LRRC4C: variants seen among roughly 807,000 people sequenced by gnomAD.
LRRC4C encodes the protein leucine rich repeat containing 4C.
In LRRC4C, 5 loss-of-function variants were observed where a neutral mutation model predicts 33.6. The observed-to-expected ratio is 0.15, with a 90% CI of 0.08 to 0.31. The LOEUF is 0.31. LRRC4C is among the 10% of genes least tolerant of loss of function. LRRC4C has a pLI of 1.00. For synonymous variants in LRRC4C, 329 were observed against 302.0 expected, an observed-to-expected ratio of 1.09 and a Z score of -0.93; for missense variants, 560 against 796.7, an observed-to-expected ratio of 0.70 and a Z score of 3.58.
rs1043180826 is a variant in LRRC4C at position 40,898,619 on chromosome 11, T to C, written c.-407+35016A>G. 2.0e-5 allele frequency among the ~76,000 whole-genome samples: 3 copies of C among 152,026 alleles called. No individual in the cohort carries two copies. The South Asian group carries it at 6.2e-4, about 32-fold the overall frequency. On this transcript the variant is annotated intron_variant, in intron 2 of 6. Transcript: ENST00000528697. The stretch of plus-strand genomic sequence containing the variant: ...TTGAATCCAAACTAGAAACTATAGA[T>C]ACATCCTGAGGTCTGGCTTATAAAT...
intron 3 of LRRC4C, among the ~76,000 whole-genome samples, chr11:40,635,628 A>ATTTTTTTTTTTTTTTT (rs71060975): frequency 2.2e-5 from 2 of 92,198 alleles, no homozygotes; most frequent in African/African-American, 8.1e-5. Context: ...AAAGAACCAA[A>ATTTTTTTTTTTTTTTT]TTTTTTTTTT....
At chr11:40,751,068 C>T (rs1325222757) in intron 2 of LRRC4C, among the ~76,000 whole-genome samples, 1 of 149,604 alleles carries the variant, frequency 6.7e-6, no homozygotes, top group Non-Finnish European at 1.5e-5. Flanking sequence ...AATTCCACCT[C>T]CCTTTATGAA....
chr11:40,210,960 A>G (rs952345170), intron 5 of LRRC4C, among the ~76,000 whole-genome samples: 1 of 151,950 alleles, frequency 6.6e-6, no homozygotes, highest in African/African-American at 2.4e-5. Context: ...TATTTTTAGT[A>G]GAGACGGGAT....
intron 4 of LRRC4C, among the ~76,000 whole-genome samples, chr11:40,256,133 G>A (rs750746621): frequency 1.6e-4 from 24 of 152,312 alleles, no homozygotes; most frequent in Non-Finnish European, 2.9e-4. Context: ...TCTGCCAACT[G>A]ACTATAAGGA....
intron 1 of LRRC4C, among the ~76,000 whole-genome samples, chr11:41,224,046 C>A (rs1565493768): frequency 1.3e-5 from 2 of 152,288 alleles, no homozygotes; most frequent in East Asian, 3.9e-4. Context: ...AATGCTTTTT[C>A]ATAATTCCTA....
chr11:40,276,674 AGTGTGTGT>A (rs56155922), intron 4 of LRRC4C, among the ~76,000 whole-genome samples: 2,280 of 127,638 alleles, frequency 0.018, 38 homozygotes, highest in African/African-American at 0.046. Context: ...GTGGGAAACA[AGTGTGTGT>A]GTGTGTGTGT....
At chr11:40,344,816 C>T (rs1947047874) in intron 3 of LRRC4C, among the ~76,000 whole-genome samples, 1 of 152,000 alleles carries the variant, frequency 6.6e-6, no homozygotes, top group Non-Finnish European at 1.5e-5. Flanking sequence ...TTTCAGGATA[C>T]AAAATCAATG....
rs139373414 is a variant in LRRC4C, at chr11:40,223,447, T to A, written c.-96+18072A>T. 1.4e-3 allele frequency among the ~76,000 whole-genome samples: 214 copies of A among 152,326 alleles called. 2 individuals carry two copies. Among genetic ancestry groups the A allele is most frequent in the African/African-American group, 4.9e-3 (205 of 41,570 alleles). On this transcript the variant is annotated intron_variant, in intron 5 of 6. Transcript: ENST00000528697. ...CCTCTTTCTATGTCATGATCCTCAC[T>A]TTCATTGCTAAATAATGAGCATCCA... is the stretch of plus-strand genomic sequence containing the variant.
At position 40,553,920 on chromosome 11, in the gene LRRC4C, T is replaced by G. The variant is rs186497669; in HGVS notation, c.-270+94222A>C. On this transcript the variant is annotated intron_variant, in intron 3 of 6. Transcript: ENST00000528697. ...GTGTGCTCTGTTGATAGTTTCTTTT[T>G]TGTGTGTGTGCAGAAGCTCTTTAGT... is the stretch of plus-strand genomic sequence containing the variant. Among the ~76,000 whole-genome samples the G allele has an allele frequency of 1.5e-3, 225 of 152,194 alleles. 1 individual carries two copies. In the Middle Eastern group the frequency reaches 0.017, roughly 12 times the overall value.
In LRRC4C at chr11:40,254,179, C is replaced by A. The variant is rs191866904; in HGVS notation, c.-175-12581G>T. Among the ~76,000 whole-genome samples, 73 of 152,310 alleles carry A rather than the reference C, an allele frequency of 4.8e-4. No individual in the cohort carries two copies. In the Middle Eastern group the frequency reaches 0.017, roughly 35 times the overall value. On this transcript the variant is annotated intron_variant, in intron 4 of 6. Coordinates refer to ENST00000528697, the MANE Select transcript of LRRC4C (RefSeq NM_001258419.2). ...CAATGCCAATAAAGCTCCAAACTACCAGCAAATGCTAAGAACAAATAATTT... is the reference window on the plus strand; with the variant it reads ...CAATGCCAATAAAGCTCCAAACTACAAGCAAATGCTAAGAACAAATAATTT...
intron 1 of LRRC4C, among the ~76,000 whole-genome samples, chr11:41,252,988 G>A (rs558032292): frequency 6.6e-6 from 1 of 152,240 alleles, no homozygotes; most frequent in Non-Finnish European, 1.5e-5. Context: ...ATGAGACTTG[G>A]ATGGGGACAC....
intron 4 of LRRC4C, among the ~76,000 whole-genome samples, chr11:40,300,431 T>C (rs1390521313): frequency 6.6e-6 from 1 of 152,222 alleles, no homozygotes; most frequent in Non-Finnish European, 1.5e-5. Context: ...AAATAATTTG[T>C]TACCCAAAGA....
chr11:40,371,555 T>G lies in LRRC4C; in HGVS notation c.-269-51834A>C, dbSNP rs1166728698. Among the ~76,000 whole-genome samples, 4 of 152,324 alleles carry G rather than the reference T, an allele frequency of 2.6e-5. No homozygotes were observed. In the East Asian group the frequency reaches 7.7e-4, roughly 29 times the overall value. Reference sequence around the variant, plus strand: ...ACTCTTTTATTTTTATAACTAAGACTTGCTGAGTTTAAAGGCTCTTGAGCA... The same window carrying G: ...ACTCTTTTATTTTTATAACTAAGACGTGCTGAGTTTAAAGGCTCTTGAGCA... On this transcript the variant is annotated intron_variant, in intron 3 of 6. Coordinates refer to ENST00000528697, the MANE Select transcript of LRRC4C (RefSeq NM_001258419.2).
chr11:40,338,491 G>C (rs545976754), intron 3 of LRRC4C, among the ~76,000 whole-genome samples: 1 of 152,120 alleles, frequency 6.6e-6, no homozygotes. Context: ...ACATGCTACC[G>C]ATTTCCAGAG....
intron 1 of LRRC4C, among the ~76,000 whole-genome samples, chr11:41,367,324 G>T (rs1952579575): frequency 6.6e-6 from 1 of 152,104 alleles, no homozygotes; most frequent in South Asian, 2.1e-4. Flanking sequence ...CCTGGGACAT[G>T]TTTAAAACAC....
intron 3 of LRRC4C, among the ~76,000 whole-genome samples, chr11:40,331,651 T>G (rs892688399): frequency 1.3e-5 from 2 of 152,162 alleles, no homozygotes; most frequent in Non-Finnish European, 2.9e-5. Context: ...TGCCCTAATA[T>G]AACCACAAGG....
At chr11:41,131,489 G>T (rs1006083350) in intron 1 of LRRC4C, among the ~76,000 whole-genome samples, 3 of 151,938 alleles carry the variant, frequency 2.0e-5, no homozygotes, top group Non-Finnish European at 4.4e-5. Context: ...TTGAATTATA[G>T]TTACGACCAT....
intron 4 of LRRC4C, among the ~76,000 whole-genome samples, chr11:40,242,315 A>G (rs1337754317): frequency 6.6e-6 from 1 of 152,138 alleles, no homozygotes; most frequent in African/African-American, 2.4e-5. Flanking sequence ...AACTACATTT[A>G]CTTATCTTCC....
At chr11:40,561,408 CTTTTTTTTT>C (rs549919738) in intron 3 of LRRC4C, among the ~76,000 whole-genome samples, 1 of 100,936 alleles carries the variant, frequency 9.9e-6, no homozygotes, top group African/African-American at 4.0e-5. Flanking sequence ...CTGAGGATTC[CTTTTTTTTT>C]TTTTTTTTTT....
Sources: gnomAD v4.1 joint callset for allele counts (sites outside exome capture counted in the v4.1 genomes callset) on GRCh38, gnomAD v4.1.1 for gene constraint, MANE v1.5 for transcripts, NCBI Gene and HGNC (gene_info 2026-07-23, HGNC 2026-07-21) for gene names.